The following RAB10 variants were observed in gnomAD, a reference collection of about 807,000 sequenced individuals.
The protein encoded by RAB10 is RAB10, member RAS oncogene family, also known as ras-related protein Rab-10.
RAB10 carries 5 observed loss-of-function variants against 25.7 expected under a neutral mutation model. The observed-to-expected ratio is 0.19, with a 90% CI of 0.10 to 0.41. The LOEUF is 0.41. Among genes scored for constraint, RAB10 ranks in the 10% least tolerant of loss-of-function variants. RAB10 has a pLI of 1.00. For synonymous variants in RAB10, 89 were observed against 86.4 expected (o/e 1.03, Z -0.16); for missense variants, 103 against 245.8 (o/e 0.42, Z 3.89).
intron 3 of RAB10, among the ~76,000 whole-genome samples, chr2:26,120,631 C>T (rs1026884499): frequency 3.3e-5 from 5 of 151,852 alleles, no homozygotes. Context: ...GCTCTGTTGC[C>T]CAGGCTGGAG....
rs140774158 is a variant in RAB10 at position 26,091,267 on chromosome 2, G to A, written c.128-7395G>A. Among the ~76,000 whole-genome samples the A allele has an allele frequency of 7.9e-5, 12 of 152,232 alleles. No homozygotes were observed. The East Asian group carries it at 9.7e-4, about 12-fold the overall frequency. ...TGAATAATAACAGAAATAAGGACAC[G>A]TTAAAGTTTAAAAGTCAGGAAGAAG... On this transcript the variant is annotated intron_variant, in intron 1 of 5. Transcript: ENST00000264710.
At chr2:26,096,330 A>C (rs948933903) in intron 1 of RAB10, among the ~76,000 whole-genome samples, 3 of 152,176 alleles carry the variant, frequency 2.0e-5, no homozygotes, top group Non-Finnish European at 4.4e-5. Context: ...TCTGATGTAG[A>C]AAGTGTAAGG....
intron 3 of RAB10, among the ~76,000 whole-genome samples, chr2:26,113,787 G>A (rs547241782): frequency 1.7e-4 from 26 of 148,884 alleles, no homozygotes; most frequent in Non-Finnish European, 3.1e-4. Context: ...GCCATCCAGA[G>A]TGAAACAACT....
intron 2 of RAB10, chr2:26,102,202 A>G (rs1442215349): frequency 6.6e-6 from 1 of 152,180 alleles, no homozygotes; most frequent in Non-Finnish European, 1.5e-5. Context: ...TTAACACTTA[A>G]TAATTCTCTG....
At chr2:26,096,768 G>A (rs1032604321) in intron 1 of RAB10, among the ~76,000 whole-genome samples, 4 of 152,110 alleles carry the variant, frequency 2.6e-5, no homozygotes, top group African/African-American at 7.2e-5. Context: ...TATTGCTTTA[G>A]CTGTATCCTA....
chr2:26,047,998 T>C (rs1666052015), intron 1 of RAB10, among the ~76,000 whole-genome samples: 1 of 151,962 alleles, frequency 6.6e-6, no homozygotes, highest in African/African-American at 2.4e-5. Flanking sequence ...TCCCAAAGTG[T>C]TGGGATTACA....
At chr2:26,049,137 CTATTT>C (rs1666077961) in intron 1 of RAB10, among the ~76,000 whole-genome samples, 1 of 148,990 alleles carries the variant, frequency 6.7e-6, no homozygotes, top group Admixed American at 6.7e-5. Flanking sequence ...ATTTTACACC[CTATTT>C]TGAGTTATTT....
chr2:26,116,546 G>GT (rs1559597446), intron 3 of RAB10, among the ~76,000 whole-genome samples: 5 of 84,774 alleles, frequency 5.9e-5, no homozygotes, highest in Admixed American at 1.6e-4. Flanking sequence ...TTTCTGTCTT[G>GT]TGTTTTTTTT....
At chr2:26,122,650 C>T (rs900645025) in intron 3 of RAB10, among the ~76,000 whole-genome samples, 8 of 151,344 alleles carry the variant, frequency 5.3e-5, no homozygotes, top group Non-Finnish European at 8.8e-5. Flanking sequence ...AAAAAAAGGG[C>T]ATACTTGTAG....
chr2:26,058,420 C>G (rs1666314194), intron 1 of RAB10, among the ~76,000 whole-genome samples: 1 of 151,834 alleles, frequency 6.6e-6, no homozygotes, highest in African/African-American at 2.4e-5. Context: ...TATCCTGATG[C>G]TTTTTTCTTT....
intron 1 of RAB10, among the ~76,000 whole-genome samples, chr2:26,082,698 A>T (rs1468480751): frequency 6.6e-6 from 1 of 152,196 alleles, no homozygotes; most frequent in Non-Finnish European, 1.5e-5. Flanking sequence ...AAGAAACAAT[A>T]TGAATCTTAA....
intron 1 of RAB10, among the ~76,000 whole-genome samples, chr2:26,079,179 T>A (rs1666805957): frequency 6.6e-6 from 1 of 152,078 alleles, no homozygotes; most frequent in African/African-American, 2.4e-5. Context: ...AGAGCAAGAC[T>A]CCATCTCAAA....
intron 1 of RAB10, among the ~76,000 whole-genome samples, chr2:26,076,245 T>G (rs1367936770): frequency 1.1e-4 from 16 of 152,194 alleles, no homozygotes; most frequent in Non-Finnish European, 2.4e-4. Flanking sequence ...AAATTTCACC[T>G]GATGCCACAA....
intron 1 of RAB10, among the ~76,000 whole-genome samples, chr2:26,060,509 C>T (rs113774701): frequency 1.6e-3 from 239 of 152,150 alleles, no homozygotes; most frequent in African/African-American, 5.3e-3. Flanking sequence ...AGCCAGGTCT[C>T]GATCTCCTGA....
At chr2:26,037,375 A>G (rs1299771137) in intron 1 of RAB10, among the ~76,000 whole-genome samples, 3 of 151,848 alleles carry the variant, frequency 2.0e-5, no homozygotes, top group Non-Finnish European at 4.4e-5. Context: ...ACGGTGGCTC[A>G]CTCCTGTAAT....
chr2:26,067,648 A>G (rs186311753), intron 1 of RAB10, among the ~76,000 whole-genome samples: 5 of 152,300 alleles, frequency 3.3e-5, no homozygotes, highest in African/African-American at 9.6e-5. Context: ...AATTGTTTCA[A>G]ATTTGTAAAG....
chr2:26,061,259 G>T (rs1256963920), intron 1 of RAB10, among the ~76,000 whole-genome samples: 2 of 151,800 alleles, frequency 1.3e-5, no homozygotes, highest in African/African-American at 2.4e-5. Flanking sequence ...TGGACCACAG[G>T]TGCACACCAC....
chr2:26,069,903 G>A (rs541884506), intron 1 of RAB10, among the ~76,000 whole-genome samples: 16 of 151,966 alleles, frequency 1.1e-4, no homozygotes, highest in South Asian at 4.2e-4. Context: ...ATGAGGTTTC[G>A]CCATGGTTGG....
At chr2:26,111,078 C>T (rs1454895047) in intron 3 of RAB10, among the ~76,000 whole-genome samples, 1 of 152,148 alleles carries the variant, frequency 6.6e-6, no homozygotes, top group Non-Finnish European at 1.5e-5. Context: ...TAGGTGGCTT[C>T]TTGTTAAGAG....
Sources: allele counts gnomAD v4.1 joint callset (sites outside exome capture counted in the v4.1 genomes callset), GRCh38; gene constraint gnomAD v4.1.1; transcripts MANE v1.5; gene names NCBI Gene and HGNC (gene_info 2026-07-23, HGNC 2026-07-21).